SLC19A3: variants seen among roughly 807,000 people sequenced by gnomAD.
SLC19A3 encodes solute carrier family 19 member 3, also known as thiamine transporter 2.
SLC19A3 carries 31 observed loss-of-function variants against 40.2 expected under a neutral mutation model. The observed-to-expected ratio is 0.77, with a 90% confidence interval of 0.58 to 1.04. SLC19A3 has a LOEUF of 1.04. SLC19A3 is among the 50% of genes least tolerant of loss of function. The pLI is 0.00. For synonymous variants in SLC19A3, 212 were observed against 227.5 expected, an observed-to-expected ratio of 0.93 and a Z score of 0.61; for missense variants, 592 against 596.7, an observed-to-expected ratio of 0.99 and a Z score of 0.08.
At chr2:227,709,617 C>T (rs1361315358) in intron 1 of SLC19A3, among the ~76,000 whole-genome samples, 4 of 152,082 alleles carry the variant, frequency 2.6e-5, no homozygotes, top group Non-Finnish European at 5.9e-5. Context: ...CTTGCACACC[C>T]AGAGGATGGA....
chr2:227,700,304 C>T (rs953379751), intron 2 of SLC19A3, among the ~76,000 whole-genome samples: 9 of 151,466 alleles, frequency 5.9e-5, no homozygotes, highest in East Asian at 2.0e-4. Context: ...CTTGGGAGGC[C>T]GAGGCAGGCA....
At chr2:227,695,656 G>A (rs992432348) in intron 4 of SLC19A3, 6 of 536,306 alleles carry the variant, frequency 1.1e-5, no homozygotes, top group African/African-American at 1.9e-5. Flanking sequence ...CACTGCTTTT[G>A]GTCTATAAAC....
intron 2 of SLC19A3, among the ~76,000 whole-genome samples, chr2:227,700,206 T>C (rs1695629343): frequency 6.6e-6 from 1 of 151,880 alleles, no homozygotes; most frequent in South Asian, 2.1e-4. Context: ...AATTTCCTTC[T>C]TGTTTGAATA....
At chr2:227,701,265 TGTAAAATCAGCCCAGG>T in intron 2 of SLC19A3, 2 of 337,408 alleles carry the variant, frequency 5.9e-6, no homozygotes, top group South Asian at 3.1e-5. Context: ...GGCTGGAGAT[TGTAAAATCAGCCCAGG>T]GTAATTTTGC....
intron 5 of SLC19A3, 109 bp from the exon 6 acceptor site, chr2:227,687,682 G>A (rs1416410845): frequency 1.1e-5 from 12 of 1,103,450 alleles, no homozygotes; most frequent in Non-Finnish European, 1.6e-5. Flanking sequence ...CTGAGACCCA[G>A]GTTTTTAATA....
At chr2:227,696,582 T>C (rs1302706209) in intron 3 of SLC19A3, among the ~76,000 whole-genome samples, 1 of 152,224 alleles carries the variant, frequency 6.6e-6, no homozygotes, top group East Asian at 1.9e-4. Flanking sequence ...CCAGTTTTAG[T>C]CTTTATTATG....
intron 4 of SLC19A3, among the ~76,000 whole-genome samples, chr2:227,691,570 C>T (rs1695231068): frequency 1.3e-5 from 2 of 151,946 alleles, no homozygotes; most frequent in Non-Finnish European, 2.9e-5. Flanking sequence ...GATTATCACG[C>T]CAGTGCAGTT....
At chr2:227,713,791 G>T (rs1329035128) in intron 1 of SLC19A3, among the ~76,000 whole-genome samples, 1 of 92,246 alleles carries the variant, frequency 1.1e-5, no homozygotes, top group Non-Finnish European at 3.2e-5. Flanking sequence ...CAACAAAGAT[G>T]ATTTGAAAAA....
intron 2 of SLC19A3, chr2:227,701,869 T>G: frequency 6.9e-6 from 2 of 291,026 alleles, no homozygotes; most frequent in Non-Finnish European, 1.3e-5. Flanking sequence ...GTGATGCTAT[T>G]TTAGGATTAG....
intron 2 of SLC19A3, among the ~76,000 whole-genome samples, chr2:227,699,938 C>A (rs1227115597): frequency 2.0e-5 from 3 of 151,888 alleles, no homozygotes; most frequent in Non-Finnish European, 4.4e-5. Context: ...AGTGCAGTGG[C>A]CCGATCTTCG....
chr2:227,704,396 A>T (rs968605160), intron 1 of SLC19A3, among the ~76,000 whole-genome samples: 1 of 152,222 alleles, frequency 6.6e-6, no homozygotes, highest in Admixed American at 6.5e-5. Flanking sequence ...TACTTATGCA[A>T]TCTTTTAAAA....
Position 227,695,913 on chromosome 2 carries a change from T to C in SLC19A3, c.1148A>G (p.Tyr383Cys), listed in dbSNP as rs1057524556. The change falls in exon 4 of 6, where the codon TAT (tyrosine) becomes TGT (cysteine). Residue 383 changes from tyrosine to cysteine, a missense_variant. By Grantham distance (194) the Tyr-to-Cys change is radical (BLOSUM62 -2). Coordinates refer to ENST00000644224, the MANE Select transcript of SLC19A3 (RefSeq NM_025243.4). ...CACTGCTATGGTTATAAGAAGCATA[T>C]AGCTGGACTTGAATATCAAATAGCC... ...YAGYLIFKSS[Y>C]MLLITIAVFQ... 6.2e-7 allele frequency: 1 copy of C among 1,614,196 alleles called. No individual in the cohort carries two copies. Among genetic ancestry groups the C allele is most frequent in the Non-Finnish European group, 8.5e-7 (1 of 1,180,048 alleles).
At chr2:227,689,514 T>C (rs1211261851) in intron 4 of SLC19A3, among the ~76,000 whole-genome samples, 1 of 151,962 alleles carries the variant, frequency 6.6e-6, no homozygotes, top group East Asian at 1.9e-4. Flanking sequence ...CCAGTGAAAA[T>C]ATCAAACCCG....
intron 3 of SLC19A3, among the ~76,000 whole-genome samples, chr2:227,696,644 C>A (rs1025300886): frequency 2.0e-5 from 3 of 152,194 alleles, no homozygotes; most frequent in Non-Finnish European, 2.9e-5. Flanking sequence ...AAGTCTTCAA[C>A]ATCTGACATA....
chr2:227,690,463 T>C (rs1484883992), intron 4 of SLC19A3, among the ~76,000 whole-genome samples: 3 of 151,924 alleles, frequency 2.0e-5, no homozygotes, highest in Non-Finnish European at 4.4e-5. Context: ...ATCCCAGCAC[T>C]TTGGGAGGCC....
intron 1 of SLC19A3, among the ~76,000 whole-genome samples, chr2:227,716,631 C>T (rs1163311784): frequency 2.0e-5 from 3 of 152,210 alleles, no homozygotes; most frequent in Non-Finnish European, 4.4e-5. Context: ...AGCCCATCCA[C>T]TTCTGCTGGA....
chr2:227,696,111 A>G, intron 3 of SLC19A3, 30 bp from the exon 4 acceptor site: 1 of 1,607,314 alleles, frequency 6.2e-7, no homozygotes, highest in Non-Finnish European at 8.5e-7. Flanking sequence ...GCAATCAAAC[A>G]TAATGACTTT....
At chr2:227,706,628 G>T in intron 1 of SLC19A3, 1 of 255,610 alleles carries the variant, frequency 3.9e-6, no homozygotes, top group Non-Finnish European at 6.8e-6. Flanking sequence ...AAAATTAGTC[G>T]GTTGCGGTGG....
intron 4 of SLC19A3, among the ~76,000 whole-genome samples, chr2:227,691,406 A>G (rs1695222589): frequency 6.6e-6 from 1 of 152,224 alleles, no homozygotes; most frequent in South Asian, 2.1e-4. Flanking sequence ...CCAGAGTTCT[A>G]GACCAGCCTG....
Sources: allele counts gnomAD v4.1 joint callset (sites outside exome capture counted in the v4.1 genomes callset), GRCh38; gene constraint gnomAD v4.1.1; transcripts MANE v1.5; gene names NCBI Gene and HGNC (gene_info 2026-07-23, HGNC 2026-07-21).